Variants in AHI1 observed in about 807,000 individuals in gnomAD.
The protein encoded by AHI1 is Abelson helper integration site 1.
A neutral mutation model predicts 149.3 loss-of-function variants in AHI1; 123 were observed. The ratio of observed to expected loss-of-function variants is 0.82; its 90% CI spans 0.71 to 0.96. The LOEUF (loss-of-function observed/expected upper bound fraction) is 0.96, where lower values mean the gene tolerates loss of function less well. AHI1 is among the 40% of genes least tolerant of loss of function. AHI1 has a pLI of 0.00. For synonymous variants in AHI1, 475 were observed against 459.8 expected (o/e 1.03, Z -0.42); for missense variants, 1,439 against 1,422.7 (o/e 1.01, Z -0.18).
intron 6 of AHI1, among the ~76,000 whole-genome samples, chr6:135,467,047 C>T (rs1056399863): frequency 2.6e-5 from 4 of 152,096 alleles, no homozygotes; most frequent in East Asian, 1.9e-4. Flanking sequence ...GATGACCAAT[C>T]GAGGAGCTGG....
chr6:135,362,815 TTC>T (rs373653558), intron 23 of AHI1, among the ~76,000 whole-genome samples: 21 of 152,260 alleles, frequency 1.4e-4, no homozygotes, highest in African/African-American at 4.6e-4. Flanking sequence ...ACTCTGTGGG[TTC>T]TCTGTTTACT....
At chr6:135,352,453 C>G (rs1181736656) in intron 24 of AHI1, among the ~76,000 whole-genome samples, 7 of 152,052 alleles carry the variant, frequency 4.6e-5, no homozygotes, top group African/African-American at 1.4e-4. Context: ...AAAATCCCAT[C>G]CTTTCATGAT....
At chr6:135,355,251 T>C (rs1792770290) in intron 24 of AHI1, among the ~76,000 whole-genome samples, 1 of 150,930 alleles carries the variant, frequency 6.6e-6, no homozygotes, top group Non-Finnish European at 1.5e-5. Flanking sequence ...AAAATAGAGG[T>C]TTGATTCTTT....
chr6:135,475,822 G>A lies in AHI1; in HGVS notation c.136-8188C>T, dbSNP rs1168679627. On this transcript the variant is annotated intron_variant, in intron 5 of 28. Transcript: ENST00000265602. ...GTATCCTTTTACAGTAATAAATGGTGTGGGTATAACAGCTTTTGAGTCCTG... is the reference window on the plus strand; with the variant it reads ...GTATCCTTTTACAGTAATAAATGGTATGGGTATAACAGCTTTTGAGTCCTG... Among the ~76,000 whole-genome samples, 3 of 152,158 alleles carry A rather than the reference G, an allele frequency of 2.0e-5. No individual in the cohort carries two copies. The East Asian group carries it at 5.8e-4, about 29-fold the overall frequency.
At chr6:135,383,802 A>G (rs1777206922) in intron 23 of AHI1, among the ~76,000 whole-genome samples, 1 of 152,266 alleles carries the variant, frequency 6.6e-6, no homozygotes, top group Admixed American at 6.5e-5. Context: ...ATAGTAAACT[A>G]TATTAATGTA....
In AHI1 at chr6:135,375,237, C is replaced by T. The variant is rs571324309; in HGVS notation, c.3110-17050G>A. Among the ~76,000 whole-genome samples, 5 of 151,520 alleles carry T rather than the reference C, an allele frequency of 3.3e-5. No homozygotes were observed. In the South Asian group the frequency reaches 1.0e-3, roughly 32 times the overall value. ...ATTTTTAAAAAGTTTTTTTTTCCAG[C>T]ACTAGACAAGTTGATTCTGAAAATC... On this transcript the variant is annotated intron_variant, in intron 23 of 28. Coordinates refer to ENST00000265602, the MANE Select transcript of AHI1 (RefSeq NM_001134831.2).
In AHI1 at chr6:135,290,414, T is replaced by C. The variant is rs1201378560; in HGVS notation, c.3588+9A>G. 1 of 1,468,600 alleles carries C rather than the reference T, an allele frequency of 6.8e-7. No homozygotes were observed. Among genetic ancestry groups the C allele is most frequent in the South Asian group, 1.1e-5 (1 of 87,896 alleles). The allele number at this position is 1,468,600 out of a possible 1,614,324, so 91.0% of individuals were successfully genotyped here. A position where few individuals can be genotyped will look rare whatever the true frequency, so the allele number is the denominator to read the frequency against. ...ACATAGCGCAACTTTCTATTGGTTT[T>C]CCCCTTACCTCTATTAGAGTGACTT... is the stretch of plus-strand genomic sequence containing the variant. On this transcript the variant is annotated intron_variant, in intron 28 of 28. Transcript: ENST00000265602.
intron 23 of AHI1, among the ~76,000 whole-genome samples, chr6:135,366,178 G>A (rs894710276): frequency 6.6e-6 from 1 of 151,750 alleles, no homozygotes; most frequent in Non-Finnish European, 1.5e-5. Flanking sequence ...TACTGGATTT[G>A]GTTAGCTAGT....
chr6:135,488,080 T>C (rs1316339718), intron 5 of AHI1, among the ~76,000 whole-genome samples: 1 of 152,148 alleles, frequency 6.6e-6, no homozygotes, highest in African/African-American at 2.4e-5. Context: ...TACAGAGAAG[T>C]CTCAAATGTA....
chr6:135,386,367 G>C (rs1394266442), intron 23 of AHI1, among the ~76,000 whole-genome samples: 1 of 151,240 alleles, frequency 6.6e-6, no homozygotes, highest in Non-Finnish European at 1.5e-5. Flanking sequence ...CTGGAGTGCA[G>C]TGGCATGATC....
intron 1 of AHI1, 142 bp from the exon 2 acceptor site, chr6:135,497,391 C>G (rs868037560): frequency 3.3e-5 from 5 of 152,296 alleles, no homozygotes; most frequent in African/African-American, 1.2e-4. Context: ...GTGAAAGAAG[C>G]GCAAAAGTAC....
chr6:135,454,340 A>G (rs1311004579), intron 10 of AHI1, among the ~76,000 whole-genome samples: 1 of 152,154 alleles, frequency 6.6e-6, no homozygotes, highest in Non-Finnish European at 1.5e-5. Flanking sequence ...TCATGTCAAT[A>G]CATACACATG....
At chr6:135,487,285 AAAT>A (rs1245955864) in intron 5 of AHI1, among the ~76,000 whole-genome samples, 1 of 152,090 alleles carries the variant, frequency 6.6e-6, no homozygotes, top group African/African-American at 2.4e-5. Flanking sequence ...CTCTAGGATG[AAAT>A]AATAACTTTT....
At chr6:135,327,971 T>G (rs1787960079) in intron 24 of AHI1, among the ~76,000 whole-genome samples, 1 of 152,192 alleles carries the variant, frequency 6.6e-6, no homozygotes, top group East Asian at 1.9e-4. Context: ...AGTAAGTGTT[T>G]CCCTGAGTTC....
At chr6:135,472,435 A>G (rs1562254849) in intron 5 of AHI1, among the ~76,000 whole-genome samples, 1 of 152,154 alleles carries the variant, frequency 6.6e-6, no homozygotes, top group African/African-American at 2.4e-5. Context: ...TCCATACACC[A>G]ATTAATAGAT....
At chr6:135,332,161 C>T (rs1301346582) in intron 24 of AHI1, among the ~76,000 whole-genome samples, 1 of 151,892 alleles carries the variant, frequency 6.6e-6, no homozygotes, top group Admixed American at 6.6e-5. Flanking sequence ...CCTCCGTCTC[C>T]CGGGTTCAAG....
chr6:135,354,059 C>G (rs542499480), intron 24 of AHI1, among the ~76,000 whole-genome samples: 1 of 152,196 alleles, frequency 6.6e-6, no homozygotes, highest in Admixed American at 6.5e-5. Context: ...CCTGATGAGA[C>G]AGTCTGAATT....
rs561883150 is a variant in AHI1, at chr6:135,455,903, T to C, written c.1175A>G (p.Tyr392Cys). ...AATATAATCCACATTCTCTTTTTCA[T>C]AGTAAGATGAAACAGGCCGTCCACT... is the stretch of plus-strand genomic sequence containing the variant. The part of the protein sequence containing the change: ...DDSGRPVSSY[Y>C]EKENVDYILP... Residue 392 changes from tyrosine to cysteine, a missense_variant, in exon 10 of 29, where the codon TAT (tyrosine) becomes TGT (cysteine). Tyr to Cys is a radical substitution (Grantham distance 194). Coordinates refer to ENST00000265602, the MANE Select transcript of AHI1 (RefSeq NM_001134831.2). 4.0e-6 allele frequency: 6 copies of C among 1,517,128 alleles called. No individual in the cohort carries two copies. The highest frequency in any genetic ancestry group is 2.3e-5 in the East Asian group (1 of 43,480). 94.0% of individuals were successfully genotyped at this position (1,517,128 alleles called of 1,614,324 possible). A position where few individuals can be genotyped will look rare whatever the true frequency, so the allele number is the denominator to read the frequency against.
chr6:135,412,641 T>C (rs1781769088), intron 20 of AHI1, among the ~76,000 whole-genome samples: 1 of 152,224 alleles, frequency 6.6e-6, no homozygotes, highest in South Asian at 2.1e-4. Context: ...CCTCATTTGA[T>C]CATTTAAAAC....
Sources: gnomAD v4.1 joint callset for allele counts (sites outside exome capture counted in the v4.1 genomes callset) on GRCh38, gnomAD v4.1.1 for gene constraint, MANE v1.5 for transcripts, NCBI Gene and HGNC (gene_info 2026-07-23, HGNC 2026-07-21) for gene names.